ASAP2: variants seen among roughly 807,000 people sequenced by gnomAD.
ASAP2 encodes arf-GAP with SH3 domain, ANK repeat and PH domain-containing protein 2.
ASAP2 carries 45 observed loss-of-function variants against 131.4 expected under a neutral mutation model. That is an observed-to-expected ratio of 0.34 (90% confidence interval 0.27 to 0.44). ASAP2 has a LOEUF of 0.44. Among genes scored for constraint, ASAP2 ranks in the 20% least tolerant of loss-of-function variants. ASAP2 has a pLI of 1.00. For synonymous variants in ASAP2, 510 were observed against 503.0 expected (o/e 1.01, Z -0.19); for missense variants, 1,011 against 1,297.0 (o/e 0.78, Z 3.39).
chr2:9,248,459 A>G (rs573427096), intron 1 of ASAP2, among the ~76,000 whole-genome samples: 1 of 152,124 alleles, frequency 6.6e-6, no homozygotes, highest in South Asian at 2.1e-4. Context: ...AGAGGATAGA[A>G]CACGGGCTTT....
chr2:9,403,949 T>C lies in ASAP2; in HGVS notation c.*622T>C, dbSNP rs1676967989. The C allele has an allele frequency of 6.6e-6, 1 of 152,320 alleles. No homozygotes were observed. Among genetic ancestry groups the C allele is most frequent in the Non-Finnish European group, 1.5e-5 (1 of 68,110 alleles). The allele number at this position is 152,320 out of a possible 1,614,324, so 9.4% of individuals were successfully genotyped here. A position where few individuals can be genotyped will look rare whatever the true frequency, so the allele number is the denominator to read the frequency against. ...TATAACCTGTTGTGAACAATCATAC[T>C]TAACAAAACTACTGATGGTTTATGA... is the stretch of plus-strand genomic sequence containing the variant. On this transcript the variant is annotated 3_prime_UTR_variant, in exon 28 of 28. Transcript: ENST00000281419.
intron 21 of ASAP2, among the ~76,000 whole-genome samples, chr2:9,387,312 C>T (rs1014054698): frequency 2.0e-5 from 3 of 151,934 alleles, no homozygotes; most frequent in African/African-American, 4.8e-5. Context: ...GGGCCTAAAG[C>T]GTCACAGTCC....
chr2:9,386,792 G>A (rs1309532701), intron 21 of ASAP2, among the ~76,000 whole-genome samples: 1 of 152,250 alleles, frequency 6.6e-6, no homozygotes, highest in Non-Finnish European at 1.5e-5. Context: ...AGACAAGAAT[G>A]TGGTCAGCAA....
intron 3 of ASAP2, among the ~76,000 whole-genome samples, chr2:9,298,920 A>C (rs2148402137): frequency 6.6e-6 from 1 of 152,328 alleles, no homozygotes; most frequent in Non-Finnish European, 1.5e-5. Context: ...ACTGGGATGC[A>C]GCATGCTATG....
At chr2:9,296,633 C>T (rs368869357) in intron 2 of ASAP2, among the ~76,000 whole-genome samples, 6 of 152,214 alleles carry the variant, frequency 3.9e-5, no homozygotes, top group East Asian at 3.8e-4. Flanking sequence ...TAAGCACATC[C>T]GATGTATGGG....
At chr2:9,401,136 G>T in intron 26 of ASAP2, 138 bp from the exon 27 acceptor site, 1 of 1,071,778 alleles carries the variant, frequency 9.3e-7, no homozygotes, top group Non-Finnish European at 1.4e-6. Context: ...GCACTGACCT[G>T]CCCCACCTTG....
At chr2:9,286,217 C>T (rs978122084) in intron 2 of ASAP2, among the ~76,000 whole-genome samples, 14 of 151,854 alleles carry the variant, frequency 9.2e-5, no homozygotes, top group South Asian at 4.2e-4. Context: ...GGCAACATGG[C>T]GAAACCCTGC....
At chr2:9,254,966 T>A (rs1265845706) in intron 1 of ASAP2, among the ~76,000 whole-genome samples, 1 of 152,256 alleles carries the variant, frequency 6.6e-6, no homozygotes, top group Admixed American at 6.5e-5. Context: ...TGCCGTGTTG[T>A]GTGCTAAGTG....
chr2:9,333,722 CCTT>C (rs1219272199), intron 7 of ASAP2, among the ~76,000 whole-genome samples: 1 of 152,136 alleles, frequency 6.6e-6, no homozygotes, highest in African/African-American at 2.4e-5. Flanking sequence ...AGAACTTTCT[CCTT>C]AGCTCGTGGA....
chr2:9,297,762 CCTT>C lies in ASAP2; in HGVS notation c.345+320_345+322del, dbSNP rs1468150173. Among the ~76,000 whole-genome samples the C allele has an allele frequency of 7.2e-5, 11 of 152,272 alleles. No homozygotes were observed. In the East Asian group the frequency reaches 1.4e-3, roughly 19 times the overall value. On this transcript the variant is annotated intron_variant, in intron 3 of 27. Coordinates refer to ENST00000281419, the MANE Select transcript of ASAP2 (RefSeq NM_003887.3). ...GTTTCTAAACTGTGTAGACTACTCTCCTTCTGGTAATTATAGTAGGCATTTAAG... is the reference window on the plus strand; with the variant it reads ...GTTTCTAAACTGTGTAGACTACTCTCCTGGTAATTATAGTAGGCATTTAAG...
intron 15 of ASAP2, among the ~76,000 whole-genome samples, chr2:9,362,992 C>G (rs1319915800): frequency 2.0e-5 from 3 of 152,152 alleles, no homozygotes; most frequent in African/African-American, 7.2e-5. Flanking sequence ...TAGTTCTGCT[C>G]TCTACTTCTA....
chr2:9,379,136 T>C (rs1465925103), intron 19 of ASAP2, 77 bp downstream of exon 19: 6 of 1,080,822 alleles, frequency 5.6e-6, no homozygotes, highest in African/African-American at 1.6e-5. Flanking sequence ...CAAGCGCTGC[T>C]CTTGGAAACA....
At chr2:9,341,226 C>T (rs914368329) in intron 9 of ASAP2, among the ~76,000 whole-genome samples, 3 of 152,162 alleles carry the variant, frequency 2.0e-5, no homozygotes, top group Non-Finnish European at 4.4e-5. Context: ...CAGGCCTTCA[C>T]CTGGTCAGGC....
intron 3 of ASAP2, among the ~76,000 whole-genome samples, chr2:9,301,222 A>G (rs1296636421): frequency 1.3e-5 from 2 of 152,182 alleles, no homozygotes; most frequent in Non-Finnish European, 2.9e-5. Flanking sequence ...AAGAATAACA[A>G]TTACCACCTA....
chr2:9,295,542 G>A (rs1408090792), intron 2 of ASAP2, among the ~76,000 whole-genome samples: 1 of 152,142 alleles, frequency 6.6e-6, no homozygotes, highest in Non-Finnish European at 1.5e-5. Context: ...TGTAGCTGAC[G>A]CCGCAGGCCC....
At chr2:9,320,397 A>G (rs921012339) in intron 5 of ASAP2, 60 bp downstream of exon 5, 5 of 1,261,498 alleles carry the variant, frequency 4.0e-6, no homozygotes, top group East Asian at 2.3e-5. Context: ...ATTTAAACCA[A>G]CCTCGTATTG....
intron 1 of ASAP2, among the ~76,000 whole-genome samples, chr2:9,247,961 C>T (rs1009036273): frequency 3.3e-5 from 5 of 152,198 alleles, no homozygotes; most frequent in Admixed American, 3.3e-4. Context: ...TTATGCTCCA[C>T]TTATCCAGAG....
chr2:9,358,956 A>C, intron 15 of ASAP2, 67 bp downstream of exon 15: 1 of 1,532,296 alleles, frequency 6.5e-7, no homozygotes, highest in Non-Finnish European at 8.8e-7. Flanking sequence ...TACTTTTGGC[A>C]TTCTAATCCA....
In ASAP2 at chr2:9,401,289, A is replaced by G. The variant is rs1676644888; in HGVS notation, c.2839A>G (p.Lys947Glu). 1 of 1,613,478 alleles carries G rather than the reference A, an allele frequency of 6.2e-7. No individual in the cohort carries two copies. ...RKSQATKLKP[K>E]RVKALYNCVA... Reference sequence around the variant, plus strand: ...CCTGACCCAGACCAAGTTGAAGCCTAAGCGGGTGAAAGCGCTCTATAACTG... The same window carrying G: ...CCTGACCCAGACCAAGTTGAAGCCTGAGCGGGTGAAAGCGCTCTATAACTG... The change falls in exon 27 of 28, where the codon AAG becomes GAG. Residue 947 changes from lysine (K) to glutamate (E), a missense_variant. Around this residue, in one of 2 missense-constraint regions of ASAP2, gnomAD observed 652 missense variants for 698.9 expected, o/e 0.93. Coordinates refer to ENST00000281419, the MANE Select transcript of ASAP2 (RefSeq NM_003887.3).
Sources: gnomAD v4.1 joint callset for allele counts (sites outside exome capture counted in the v4.1 genomes callset) on GRCh38, gnomAD v4.1.1 for gene constraint, gnomAD v4.1.1 regional missense constraint, MANE v1.5 for transcripts, NCBI Gene and HGNC (gene_info 2026-07-23, HGNC 2026-07-21) for gene names.